Variants in CSMD1 observed in about 807,000 individuals in gnomAD.
CSMD1 encodes the protein CUB and sushi domain-containing protein 1.
In CSMD1, 213 loss-of-function variants were observed where a neutral mutation model predicts 417.5. The ratio of observed to expected loss-of-function variants is 0.51; its 90% confidence interval spans 0.46 to 0.57. The LOEUF (loss-of-function observed/expected upper bound fraction) is 0.57, where lower values mean the gene tolerates loss of function less well. Ranked by LOEUF, CSMD1 falls within the 20% of genes least tolerant of loss-of-function variation. The pLI is 0.00. For synonymous variants in CSMD1, 2,862 were observed against 1,736.8 expected (o/e 1.65, Z -16.11); for missense variants, 6,923 against 4,529.7 (o/e 1.53, Z -15.17).
At chr8:3,043,388 T>C (rs1287603976) in intron 50 of CSMD1, among the ~76,000 whole-genome samples, 3 of 152,136 alleles carry the variant, frequency 2.0e-5, no homozygotes, top group Admixed American at 6.5e-5. Flanking sequence ...ACTATAGCGA[T>C]AGGTTTCTAT....
chr8:4,158,906 T>A (rs552301568), intron 3 of CSMD1, among the ~76,000 whole-genome samples: 2 of 152,104 alleles, frequency 1.3e-5, no homozygotes, highest in Admixed American at 6.5e-5. Flanking sequence ...AAAGAAAGAT[T>A]ATCTTTCTAT....
At chr8:4,835,955 T>TGA (rs1800452007) in intron 1 of CSMD1, among the ~76,000 whole-genome samples, 1 of 152,150 alleles carries the variant, frequency 6.6e-6, no homozygotes, top group African/African-American at 2.4e-5. Context: ...ATTTATATTT[T>TGA]GAGAATTAAT....
intron 11 of CSMD1, among the ~76,000 whole-genome samples, chr8:3,477,968 T>C (rs1402891768): frequency 6.6e-6 from 1 of 152,234 alleles, no homozygotes; most frequent in Admixed American, 6.5e-5. Flanking sequence ...AGTGCTTTCA[T>C]TGAATAAATA....
intron 3 of CSMD1, among the ~76,000 whole-genome samples, chr8:4,225,323 T>A (rs184893127): frequency 1.2e-4 from 19 of 152,292 alleles, no homozygotes; most frequent in African/African-American, 4.6e-4. Flanking sequence ...TCATCGAGAC[T>A]TGATGTTATT....
At chr8:4,269,815 G>A (rs1238123033) in intron 3 of CSMD1, among the ~76,000 whole-genome samples, 2 of 152,140 alleles carry the variant, frequency 1.3e-5, no homozygotes, top group Non-Finnish European at 2.9e-5. Flanking sequence ...TGAAGTCTCA[G>A]AATTACAAGT....
chr8:4,251,907 G>C (rs969395569), intron 3 of CSMD1, among the ~76,000 whole-genome samples: 1 of 150,864 alleles, frequency 6.6e-6, no homozygotes, highest in African/African-American at 2.4e-5. Context: ...GGGGAGGGGA[G>C]GATAATGTGG....
rs1192473526 is a variant in CSMD1 at position 3,919,210 on chromosome 8, A to G, written c.818+78693T>C. 4.5e-3 allele frequency among the ~76,000 whole-genome samples: 599 copies of G among 132,846 alleles called. 2 individuals carry two copies. Among genetic ancestry groups the G allele is most frequent in the Non-Finnish European group, 7.3e-3 (445 of 61,148 alleles). 87.2% of individuals were successfully genotyped at this position (132,846 alleles called of 152,430 possible). On this transcript the variant is annotated intron_variant, in intron 5 of 69. Transcript: ENST00000635120. ...AAAAAAAAAAAAAAAAAAAAAAAAA[A>G]GAAAGAAATCATTGTCAAGATCTAT...
chr8:3,074,764 A>G (rs1813528946), intron 49 of CSMD1, among the ~76,000 whole-genome samples: 1 of 152,264 alleles, frequency 6.6e-6, no homozygotes, highest in African/African-American at 2.4e-5. Context: ...GCATTTTATT[A>G]TAATTTTTGG....
intron 23 of CSMD1, among the ~76,000 whole-genome samples, chr8:3,322,933 TTTTTTG>T (rs1019423288): frequency 2.6e-5 from 4 of 152,230 alleles, no homozygotes; most frequent in Non-Finnish European, 2.9e-5. Flanking sequence ...TTTTTTGCTT[TTTTTTG>T]TTTTTGTTTT....
intron 2 of CSMD1, among the ~76,000 whole-genome samples, chr8:4,530,705 A>C (rs1796767978): frequency 6.6e-6 from 1 of 150,666 alleles, no homozygotes; most frequent in African/African-American, 2.4e-5. Flanking sequence ...ATAGTGTTCC[A>C]TGGTGTATAT....
intron 26 of CSMD1, among the ~76,000 whole-genome samples, chr8:3,274,376 G>T (rs922925716): frequency 6.6e-6 from 1 of 152,080 alleles, no homozygotes; most frequent in Non-Finnish European, 1.5e-5. Context: ...AGTAGGTGTG[G>T]TGTGGTGCTG....
chr8:3,367,089 G>T lies in CSMD1; in HGVS notation c.3058C>A (p.Leu1020Ile). 1 of 1,613,858 alleles carries T rather than the reference G, an allele frequency of 6.2e-7. No individual in the cohort carries two copies. The highest frequency in any genetic ancestry group is 8.5e-7 in the Non-Finnish European group (1 of 1,179,844). Residue 1020 changes from leucine (L) to isoleucine (I), a missense_variant, in exon 20 of 70, where the codon CTT becomes ATT. Transcript: ENST00000635120. ...AGLFGNFTAQ[L>I]RFISDFSISY... Reference sequence around the variant, plus strand: ...ATTGAGAAGTCTGATATAAACCGAAGCTGGGCAGTGAAGTTTCCAAACAGG... The same window carrying T: ...ATTGAGAAGTCTGATATAAACCGAATCTGGGCAGTGAAGTTTCCAAACAGG...
intron 5 of CSMD1, among the ~76,000 whole-genome samples, chr8:3,859,541 G>C (rs931921226): frequency 6.6e-6 from 1 of 152,134 alleles, no homozygotes; most frequent in Non-Finnish European, 1.5e-5. Flanking sequence ...ATTTCAGGGC[G>C]AGGCTAACTA....
chr8:4,082,234 G>T (rs188669967), intron 3 of CSMD1, among the ~76,000 whole-genome samples: 2 of 152,038 alleles, frequency 1.3e-5, no homozygotes, highest in African/African-American at 4.8e-5. Context: ...AGGTAAAATG[G>T]ACAAAGTCCT....
At chr8:4,407,313 T>C (rs1352950788) in intron 3 of CSMD1, among the ~76,000 whole-genome samples, 4 of 152,326 alleles carry the variant, frequency 2.6e-5, no homozygotes, top group South Asian at 2.1e-4. Context: ...CTATAATATA[T>C]AAGGGATGAA....
At chr8:3,355,379 C>T (rs906557589) in intron 21 of CSMD1, among the ~76,000 whole-genome samples, 5 of 152,124 alleles carry the variant, frequency 3.3e-5, no homozygotes, top group African/African-American at 9.7e-5. Context: ...AACTTTGCTC[C>T]TGATCTTTTG....
In CSMD1 at chr8:3,274,910, T is replaced by A. The variant is rs534992911; in HGVS notation, c.4153+9234A>T. Among the ~76,000 whole-genome samples the A allele has an allele frequency of 1.4e-4, 22 of 152,262 alleles. No homozygotes were observed. The South Asian group carries it at 3.9e-3, about 27-fold the overall frequency. Reference sequence around the variant, plus strand: ...TTGCCAGTCTGTGTCTTTTAATTGGTGCATTTAGTCCATTTACATTTAAAG... The same window carrying A: ...TTGCCAGTCTGTGTCTTTTAATTGGAGCATTTAGTCCATTTACATTTAAAG... On this transcript the variant is annotated intron_variant, in intron 26 of 69. Transcript: ENST00000635120.
chr8:3,460,924 T>C (rs749415568), intron 12 of CSMD1, among the ~76,000 whole-genome samples: 2 of 152,110 alleles, frequency 1.3e-5, no homozygotes, highest in Non-Finnish European at 2.9e-5. Context: ...GTCCCAAGAA[T>C]AGAAGGGCTA....
chr8:4,363,968 C>T (rs1351792211), intron 3 of CSMD1, among the ~76,000 whole-genome samples: 1 of 151,998 alleles, frequency 6.6e-6, no homozygotes, highest in African/African-American at 2.4e-5. Flanking sequence ...ATGAGTAAGA[C>T]CTACTTTTTG....
Sources: allele counts gnomAD v4.1 joint callset (sites outside exome capture counted in the v4.1 genomes callset), GRCh38; gene constraint gnomAD v4.1.1; transcripts MANE v1.5; gene names NCBI Gene and HGNC (gene_info 2026-07-23, HGNC 2026-07-21).